The following VTI1A variants were observed in gnomAD, a reference collection of about 807,000 sequenced individuals.
The protein encoded by VTI1A is vesicle transport through interaction with t-SNAREs homolog 1A.
A neutral mutation model predicts 34.9 loss-of-function variants in VTI1A; 22 were observed. The observed-to-expected ratio is 0.63, with a 90% CI of 0.45 to 0.90. The LOEUF is 0.90. VTI1A is among the 40% of genes least tolerant of loss of function. VTI1A has a pLI of 0.00. For missense variants in VTI1A, 268 were observed against 275.6 expected (o/e 0.97, Z 0.20); for synonymous variants, 87 against 97.3 (o/e 0.89, Z 0.62).
the VTI1A span, among the ~76,000 whole-genome samples, chr10:112,836,283 G>C: frequency 1.3e-5 from 2 of 152,304 alleles, no homozygotes; most frequent in Admixed American, 1.3e-4. Context: ...CCCATGGCCA[G>C]AGACCCAGCT....
At chr10:112,635,648 G>A (rs1020566871) in intron 5 of VTI1A, among the ~76,000 whole-genome samples, 9 of 152,166 alleles carry the variant, frequency 5.9e-5, no homozygotes, top group African/African-American at 1.4e-4. Context: ...TGGTCTTTGT[G>A]AGAGGTTACA....
the VTI1A span, among the ~76,000 whole-genome samples, chr10:112,851,125 T>G: frequency 2.0e-5 from 3 of 152,122 alleles, no homozygotes; most frequent in Non-Finnish European, 4.4e-5. Flanking sequence ...ACACATAAAA[T>G]CCATTGTATT....
At chr10:112,686,704 C>T (rs1590069134) in intron 7 of VTI1A, among the ~76,000 whole-genome samples, 1 of 152,280 alleles carries the variant, frequency 6.6e-6, no homozygotes, top group East Asian at 1.9e-4. Flanking sequence ...GTGTAAGTGC[C>T]TACTATATGC....
chr10:112,626,744 G>GAA (rs1564854976), intron 5 of VTI1A, among the ~76,000 whole-genome samples: 8 of 152,138 alleles, frequency 5.3e-5, no homozygotes, highest in Non-Finnish European at 8.8e-5. Context: ...CTGCTCTTCA[G>GAA]GTACATTGGG....
At chr10:112,821,683 A>G (rs1351635729), downstream of VTI1A, among the ~76,000 whole-genome samples, 1 of 152,138 alleles carries the variant, frequency 6.6e-6, no homozygotes, top group Non-Finnish European at 1.5e-5. Flanking sequence ...GTCTCATCCC[A>G]TCAGAAAAGA....
chr10:112,701,845 T>C (rs933329731), intron 7 of VTI1A, among the ~76,000 whole-genome samples: 8 of 152,196 alleles, frequency 5.3e-5, no homozygotes, highest in African/African-American at 1.9e-4. Context: ...CTGGAGATTC[T>C]AGAAGTATTA....
At chr10:112,517,046 A>G (rs1285976050) in intron 3 of VTI1A, among the ~76,000 whole-genome samples, 2 of 152,074 alleles carry the variant, frequency 1.3e-5, no homozygotes, top group Non-Finnish European at 2.9e-5. Flanking sequence ...GAATGAGATC[A>G]CTCAGATGAG....
intron 7 of VTI1A, among the ~76,000 whole-genome samples, chr10:112,678,767 A>G (rs1048904657): frequency 1.3e-5 from 2 of 152,236 alleles, no homozygotes; most frequent in African/African-American, 4.8e-5. Context: ...GCTGCTACCC[A>G]GATCAAAAGT....
intron 5 of VTI1A, among the ~76,000 whole-genome samples, chr10:112,584,212 G>A (rs1313449759): frequency 6.6e-6 from 1 of 152,126 alleles, no homozygotes; most frequent in African/African-American, 2.4e-5. Context: ...TATTTTGGGT[G>A]GTTTTGCTAC....
chr10:112,605,658 A>G (rs966507432), intron 5 of VTI1A, among the ~76,000 whole-genome samples: 1 of 152,168 alleles, frequency 6.6e-6, no homozygotes, highest in Non-Finnish European at 1.5e-5. Flanking sequence ...TTTCCTTGCA[A>G]CTAAGGCCAC....
At chr10:112,545,310 C>A (rs1409296724) in intron 5 of VTI1A, among the ~76,000 whole-genome samples, 2 of 152,222 alleles carry the variant, frequency 1.3e-5, no homozygotes, top group African/African-American at 4.8e-5. Context: ...GGACAGTGGC[C>A]AGTCCCATCA....
chr10:112,575,049 G>A (rs1332953957), intron 5 of VTI1A, among the ~76,000 whole-genome samples: 1 of 152,206 alleles, frequency 6.6e-6, no homozygotes, highest in African/African-American at 2.4e-5. Context: ...GGTGAAGGAA[G>A]GACTGAGATT....
intron 5 of VTI1A, among the ~76,000 whole-genome samples, chr10:112,583,682 G>A (rs1844039062): frequency 6.6e-6 from 1 of 152,298 alleles, no homozygotes; most frequent in Middle Eastern, 3.4e-3. Flanking sequence ...TGTATGGCTG[G>A]TCAGTTCACC....
chr10:112,587,193 T>G (rs1196914638), intron 5 of VTI1A, among the ~76,000 whole-genome samples: 1 of 152,184 alleles, frequency 6.6e-6, no homozygotes, highest in Non-Finnish European at 1.5e-5. Flanking sequence ...CTGCTTGTGC[T>G]ACTTCCAAAA....
chr10:112,831,999 G>A, the VTI1A span: 1 of 152,228 alleles, frequency 6.6e-6, no homozygotes, highest in African/African-American at 2.4e-5. Flanking sequence ...ACACCACAGT[G>A]TGGGAATCGA....
In VTI1A at chr10:112,664,734, G is replaced by T. The variant is rs1035068221; in HGVS notation, c.428-3484G>T. Among the ~76,000 whole-genome samples the T allele has an allele frequency of 3.0e-4, 46 of 152,186 alleles. 1 individual carries two copies. Among genetic ancestry groups the T allele is most frequent in the African/African-American group, 9.6e-4 (40 of 41,532 alleles). On this transcript the variant is annotated intron_variant, in intron 5 of 7. Transcript: ENST00000393077. The stretch of plus-strand genomic sequence containing the variant: ...TGGATCAAGGATATGATTGATTCTG[G>T]GTAACTGTAAAAATGAAAATTCATT...
chr10:112,804,372 C>G (rs1852991079), intron 7 of VTI1A, among the ~76,000 whole-genome samples: 1 of 152,248 alleles, frequency 6.6e-6, no homozygotes, highest in Non-Finnish European at 1.5e-5. Flanking sequence ...GGCAGCTTCT[C>G]CAGCCTCTGA....
chr10:112,467,274 T>C (rs1847927700), intron 3 of VTI1A, among the ~76,000 whole-genome samples: 1 of 152,188 alleles, frequency 6.6e-6, no homozygotes, highest in African/African-American at 2.4e-5. Context: ...GGAAATTGTA[T>C]ACTTGGATAA....
At chr10:112,459,128 T>C in intron 1 of VTI1A, among the ~76,000 whole-genome samples, 1 of 152,206 alleles carries the variant, frequency 6.6e-6, no homozygotes, top group East Asian at 1.9e-4. Context: ...AACCCAGTTT[T>C]AAATAAAGAA....
Sources: gnomAD v4.1 joint callset for allele counts (sites outside exome capture counted in the v4.1 genomes callset) on GRCh38, gnomAD v4.1.1 for gene constraint, MANE v1.5 for transcripts, NCBI Gene and HGNC (gene_info 2026-07-23, HGNC 2026-07-21) for gene names.